Variants in CDH7 observed in about 807,000 individuals in gnomAD.
CDH7 encodes the protein cadherin 7.
In CDH7, 25 loss-of-function variants were observed where a neutral mutation model predicts 71.8. The ratio of observed to expected loss-of-function variants is 0.35; its 90% confidence interval spans 0.25 to 0.49. The LOEUF is 0.49. CDH7 is among the 20% of genes least tolerant of loss of function. The pLI, the probability that CDH7 is intolerant of heterozygous loss-of-function variation, is 0.99. For synonymous variants in CDH7, 381 were observed against 363.8 expected (o/e 1.05, Z -0.54); for missense variants, 862 against 974.6 (o/e 0.88, Z 1.54).
intron 1 of CDH7, among the ~76,000 whole-genome samples, chr18:65,760,832 G>A (rs967947421): frequency 3.9e-5 from 6 of 152,134 alleles, no homozygotes; most frequent in Admixed American, 3.9e-4. Context: ...CCCTACACTA[G>A]TGCACCATGT....
chr18:65,796,396 A>G (rs1040265583), intron 2 of CDH7, among the ~76,000 whole-genome samples: 6 of 152,186 alleles, frequency 3.9e-5, no homozygotes, highest in Non-Finnish European at 1.5e-5. Flanking sequence ...CAAAATTCCT[A>G]TGTGTCAAGT....
chr18:65,760,937 C>T (rs1178133906), intron 1 of CDH7, among the ~76,000 whole-genome samples: 2 of 152,176 alleles, frequency 1.3e-5, no homozygotes, highest in African/African-American at 2.4e-5. Flanking sequence ...AAACTTCCAA[C>T]TTAATTAAGG....
intron 2 of CDH7, among the ~76,000 whole-genome samples, chr18:65,770,311 A>G (rs1161149429): frequency 2.6e-5 from 4 of 152,154 alleles, no homozygotes; most frequent in Non-Finnish European, 4.4e-5. Flanking sequence ...TTCTCCCCAC[A>G]TTGCCTACAA....
chr18:65,803,365 A>G (rs571398263), intron 2 of CDH7: 4 of 152,282 alleles, frequency 2.6e-5, no homozygotes, highest in Non-Finnish European at 4.4e-5. Context: ...TTGTTACTTA[A>G]TAAAAGAAAT....
rs752145290 is a variant in CDH7 at position 65,824,648 on chromosome 18, T to C, written c.798T>C (p.Ser266=). 1 of 1,564,588 alleles carries C rather than the reference T, an allele frequency of 6.4e-7. No individual in the cohort carries two copies. The highest frequency in any genetic ancestry group is 1.2e-5 in the South Asian group (1 of 82,754). Residue 266 remains serine, a synonymous_variant, in exon 6 of 12, where the codon TCT becomes TCC. Transcript: ENST00000397968. ...TTCTTGCTTTGAATTTCACAGGGTC[T>C]TATCAATATAACGTCCCAGAGTCAT... ...NDNPPRFPRR[S]YQYNVPESLP... is the part of the protein sequence containing the mutation.
At chr18:65,837,172 A>G (rs1338632470) in intron 6 of CDH7, among the ~76,000 whole-genome samples, 2 of 152,202 alleles carry the variant, frequency 1.3e-5, no homozygotes, top group Non-Finnish European at 2.9e-5. Context: ...GCCCTCATCT[A>G]CCTACTAAGA....
At chr18:65,817,027 C>T (rs6566177) in intron 4 of CDH7, among the ~76,000 whole-genome samples, 130,752 of 152,104 alleles carry the variant, frequency 0.86, 57,932 homozygotes, top group East Asian at 0.99. Flanking sequence ...ACTGAACATG[C>T]AGGTCCTTTG....
At chr18:65,826,122 C>A (rs1037982658) in intron 6 of CDH7, among the ~76,000 whole-genome samples, 1 of 151,216 alleles carries the variant, frequency 6.6e-6, no homozygotes, top group African/African-American at 2.4e-5. Flanking sequence ...TTTATAATAT[C>A]ATTTCTGGAA....
chr18:65,766,988 G>T (rs1342861504), intron 2 of CDH7, among the ~76,000 whole-genome samples: 1 of 149,896 alleles, frequency 6.7e-6, no homozygotes, highest in East Asian at 2.0e-4. Flanking sequence ...AACCGTAATG[G>T]GATGCCAGCC....
chr18:65,763,181 A>G (rs564361302), intron 2 of CDH7, 129 bp downstream of exon 2: 8 of 506,692 alleles, frequency 1.6e-5, no homozygotes, highest in African/African-American at 9.9e-5. Context: ...CATCATTTCT[A>G]TGAAAGAGTT....
rs142463183 is a variant in CDH7, at chr18:65,828,725, T to G, written c.981+3894T>G. On this transcript the variant is annotated intron_variant, in intron 6 of 11. Transcript: ENST00000397968. ...GTCAATTGTATATTCATCTCATTTT[T>G]AGATGAAAATTTACCATTAATTCAT... Among the ~76,000 whole-genome samples the G allele has an allele frequency of 1.2e-3, 179 of 152,282 alleles. 1 individual carries two copies. The highest frequency in any genetic ancestry group is 3.6e-3 in the African/African-American group (149 of 41,576).
chr18:65,820,414 T>C (rs1315332570), intron 4 of CDH7, among the ~76,000 whole-genome samples: 1 of 152,070 alleles, frequency 6.6e-6, no homozygotes, highest in African/African-American at 2.4e-5. Flanking sequence ...ATTTTCTCTG[T>C]GTGTGTGTAT....
rs576561475 is a variant in CDH7 at position 65,754,672 on chromosome 18, A to G, written c.-197+3522A>G. 3.3e-5 allele frequency among the ~76,000 whole-genome samples: 5 copies of G among 152,324 alleles called. No individual in the cohort carries two copies. In the East Asian group the frequency reaches 7.7e-4, roughly 24 times the overall value. On this transcript the variant is annotated intron_variant, in intron 1 of 11. Transcript: ENST00000397968. ...CAGCAGCAAGCAGTCATCTCAAAAT[A>G]TAGGACTTATGTCACCAACCAAAAG... is the stretch of plus-strand genomic sequence containing the variant.
intron 6 of CDH7, among the ~76,000 whole-genome samples, chr18:65,830,361 A>G (rs1310318921): frequency 6.6e-6 from 1 of 152,170 alleles, no homozygotes; most frequent in Non-Finnish European, 1.5e-5. Flanking sequence ...AAATTAAAAT[A>G]TTTGCTTATT....
chr18:65,781,819 C>CTTCCTTCCTTCCTTCTTTCT (rs1491280674), intron 2 of CDH7, among the ~76,000 whole-genome samples: 1 of 43,898 alleles, frequency 2.3e-5, no homozygotes, highest in Non-Finnish European at 4.2e-5. Context: ...TCCTTCCTTC[C>CTTCCTTCCTTCCTTCTTTCT]TTCTTTCTTT....
At chr18:65,792,765 G>A (rs1292349541) in intron 2 of CDH7, among the ~76,000 whole-genome samples, 1 of 152,068 alleles carries the variant, frequency 6.6e-6, no homozygotes, top group East Asian at 1.9e-4. Context: ...GATTCTGTTA[G>A]GCCTGCAAGA....
At chr18:65,840,744 A>C (rs576772797) in intron 6 of CDH7, among the ~76,000 whole-genome samples, 2 of 151,760 alleles carry the variant, frequency 1.3e-5, no homozygotes, top group African/African-American at 4.8e-5. Context: ...AGTCCATTAA[A>C]CCTCTTTCTT....
intron 1 of CDH7, among the ~76,000 whole-genome samples, chr18:65,751,965 T>G (rs566316010): frequency 9.8e-5 from 15 of 152,354 alleles, no homozygotes; most frequent in Admixed American, 6.5e-4. Context: ...GAGTAAAGAT[T>G]GGCAATGAGT....
At chr18:65,850,776 T>G (rs1021519725) in intron 7 of CDH7, among the ~76,000 whole-genome samples, 2 of 151,704 alleles carry the variant, frequency 1.3e-5, no homozygotes, top group Admixed American at 1.3e-4. Context: ...AGGTGTCTGC[T>G]ATCATTAAGC....
Sources: gnomAD v4.1 joint callset for allele counts (sites outside exome capture counted in the v4.1 genomes callset) on GRCh38, gnomAD v4.1.1 for gene constraint, MANE v1.5 for transcripts, NCBI Gene and HGNC (gene_info 2026-07-23, HGNC 2026-07-21) for gene names.